The following WDR53 variants were observed in gnomAD, a reference collection of about 807,000 sequenced individuals.
The protein encoded by WDR53 is WD repeat domain 53.
WDR53 carries 19 observed loss-of-function variants against 21.3 expected under a neutral mutation model. That is an observed-to-expected ratio of 0.89 (90% CI 0.62 to 1.31). The LOEUF is 1.31. Ranked by LOEUF, WDR53 falls within the 50% of genes most tolerant of loss-of-function variation. The pLI is 0.00. For missense variants in WDR53, 374 were observed against 423.2 expected, an observed-to-expected ratio of 0.88 and a Z score of 1.02; for synonymous variants, 157 against 163.4, an observed-to-expected ratio of 0.96 and a Z score of 0.30.
intron 2 of WDR53, among the ~76,000 whole-genome samples, chr3:196,561,723 C>T (rs1268848167): frequency 6.6e-6 from 1 of 152,066 alleles, no homozygotes; most frequent in Non-Finnish European, 1.5e-5. Flanking sequence ...CCTTTGCCAT[C>T]AGGGATCTAG....
chr3:196,554,784 T>A lies in WDR53; in HGVS notation c.504A>T (p.Lys168Asn), dbSNP rs751489574. ...AATTTGTAATCCAGAGTGGTCGGGC[T>A]TTTTGAAGACTCCACAGCATCACCT... ...DMQVMLWSLQ[K>N]ARPLWITNLQ... The change falls in exon 4 of 4, where the codon AAA (lysine) becomes AAT (asparagine). Residue 168 changes from lysine (K) to asparagine (N), a missense_variant. Coordinates refer to ENST00000332629, the MANE Select transcript of WDR53 (RefSeq NM_182627.3). 1.9e-6 allele frequency: 3 copies of A among 1,613,968 alleles called. No homozygotes were observed. Among genetic ancestry groups the A allele is most frequent in the Admixed American group, 1.7e-5 (1 of 59,984 alleles).
chr3:196,561,010 C>A lies in WDR53; in HGVS notation c.466G>T (p.Gly156Ter). 1.2e-6 allele frequency: 2 copies of A among 1,613,500 alleles called. No homozygotes were observed. Among genetic ancestry groups the A allele is most frequent in the South Asian group, 1.1e-5 (1 of 90,978 alleles). Reference protein sequence around the residue: ...PQRPQSLVSCGLDMQVMLWSL... With the variant: ...PQRPQSLVSC ...AAAAGCATCACCTGCATATCCAGTC[C>A]ACATGACACCAGGCTCTGAGGCCTC... is the stretch of plus-strand genomic sequence containing the variant. The change falls in exon 3 of 4, where the codon GGA (glycine) becomes TGA (stop). Residue 156 changes from glycine (G) to a stop codon, truncating the protein, a stop_gained. Transcript: ENST00000332629. LOFTEE classifies it high-confidence loss of function.
At chr3:196,555,285 AGCTCAGTCCTGGT>A (rs1453726875) in intron 3 of WDR53, among the ~76,000 whole-genome samples, 1 of 152,180 alleles carries the variant, frequency 6.6e-6, no homozygotes. Flanking sequence ...AAGGGGCTTA[AGCTCAGTCCTGGT>A]GCCTCCAAGA....
At chr3:196,561,537 A>T in intron 2 of WDR53, 46 bp from the exon 3 acceptor site, 1 of 1,520,558 alleles carries the variant, frequency 6.6e-7, no homozygotes, top group Non-Finnish European at 8.8e-7. Flanking sequence ...TTATACATCG[A>T]CTTGATGGGA....
At chr3:196,566,571 G>A (rs1376396037) in intron 2 of WDR53, among the ~76,000 whole-genome samples, 2 of 151,918 alleles carry the variant, frequency 1.3e-5, no homozygotes, top group African/African-American at 2.4e-5. Context: ...GCACCACCAC[G>A]CCCGGTTAAT....
At chr3:196,565,926 C>T (rs1485927768) in intron 2 of WDR53, among the ~76,000 whole-genome samples, 1 of 152,246 alleles carries the variant, frequency 6.6e-6, no homozygotes, top group Non-Finnish European at 1.5e-5. Context: ...TCCCCACATT[C>T]ACGTATCAAG....
Position 196,561,442 on chromosome 3 carries a change from GAGA to G in WDR53, c.31_33del (p.Ser11del), listed in dbSNP as rs1243419270. On this transcript the variant is annotated inframe_deletion, in exon 3 of 4. Coordinates refer to ENST00000332629, the MANE Select transcript of WDR53 (RefSeq NM_182627.3). ...TTACTTGCATTCAGGCAGAGGACAG[GAGA>G]AGAATGCCCACCCGTCCACTTGACT... The G allele has an allele frequency of 1.2e-6, 2 of 1,613,788 alleles. No individual in the cohort carries two copies. Among genetic ancestry groups the G allele is most frequent in the Non-Finnish European group, 1.7e-6 (2 of 1,179,990 alleles).
chr3:196,561,329 T>C lies in WDR53; in HGVS notation c.147A>G (p.Gln49=). ...AGACACTGGTAACATCATCAGCCCCTTGGAACCGCGTGTGTCCTAATGGAG... is the reference window on the plus strand; with the variant it reads ...AGACACTGGTAACATCATCAGCCCCCTGGAACCGCGTGTGTCCTAATGGAG... ...DGTPLGHTRF[Q]GADDVTSVLF... Residue 49 remains glutamine, a synonymous_variant, in exon 3 of 4, where the codon CAA becomes CAG. Transcript: ENST00000332629. 3 of 1,614,162 alleles carry C rather than the reference T, an allele frequency of 1.9e-6. No homozygotes were observed. Among genetic ancestry groups the C allele is most frequent in the Non-Finnish European group, 2.5e-6 (3 of 1,180,032 alleles).
chr3:196,554,908 G>A (rs1480957306), intron 3 of WDR53, 101 bp from the exon 4 acceptor site: 7 of 958,296 alleles, frequency 7.3e-6, no homozygotes, highest in Non-Finnish European at 1.1e-5. Context: ...AGTAGTCTGA[G>A]AATGAGCAGT....
At position 196,554,753 on chromosome 3, in the gene WDR53, C is replaced by G; in HGVS notation, c.535G>C (p.Glu179Gln). ...CCTTCCATTTCTTCTGTTTCATCCT[C>G]CTGTAAATTTGTAATCCAGAGTGGT... ...ARPLWITNLQ[E>Q]DETEEMEGPQ... The change falls in exon 4 of 4, where the codon GAG (glutamate) becomes CAG (glutamine). Residue 179 changes from glutamate (E) to glutamine (Q), a missense_variant. Coordinates refer to ENST00000332629, the MANE Select transcript of WDR53 (RefSeq NM_182627.3). 1 of 1,614,126 alleles carries G rather than the reference C, an allele frequency of 6.2e-7. No homozygotes were observed. The highest frequency in any genetic ancestry group is 8.5e-7 in the Non-Finnish European group (1 of 1,180,022).
chr3:196,556,656 T>TA (rs60957596), intron 3 of WDR53, among the ~76,000 whole-genome samples: 116,651 of 139,652 alleles, frequency 0.84, 48,701 homozygotes, highest in East Asian at 0.97. Context: ...ACTCCGTCTT[T>TA]AAAAAAAAAA....
chr3:196,556,676 T>TACAC (rs59266188), intron 3 of WDR53, among the ~76,000 whole-genome samples: 1,770 of 139,236 alleles, frequency 0.013, 37 homozygotes, highest in African/African-American at 0.04. Flanking sequence ...AAAAAGAAAA[T>TACAC]ACACACACAC....
intron 1 of WDR53, among the ~76,000 whole-genome samples, chr3:196,567,567 T>A (rs1735529423): frequency 6.6e-6 from 1 of 152,148 alleles, no homozygotes. Flanking sequence ...ACTCAGCTCA[T>A]GGAGTTGTTT....
At chr3:196,559,275 G>C (rs9813420) in intron 3 of WDR53, among the ~76,000 whole-genome samples, 56,086 of 152,068 alleles carry the variant, frequency 0.37, 11,116 homozygotes, top group Middle Eastern at 0.49. Flanking sequence ...GAATGTAGGA[G>C]ATTTATAAAG....
intron 2 of WDR53, among the ~76,000 whole-genome samples, chr3:196,562,333 C>A (rs1734956304): frequency 6.6e-6 from 1 of 152,224 alleles, no homozygotes; most frequent in African/African-American, 2.4e-5. Context: ...ATGATCTCGG[C>A]TCACTGCAAC....
chr3:196,562,659 G>T (rs559972362), intron 2 of WDR53, among the ~76,000 whole-genome samples: 3 of 152,286 alleles, frequency 2.0e-5, no homozygotes, highest in African/African-American at 7.2e-5. Flanking sequence ...TGGTGAAAAT[G>T]GCAGGCCCTT....
intron 2 of WDR53, among the ~76,000 whole-genome samples, chr3:196,565,556 G>A (rs1286969949): frequency 6.7e-6 from 1 of 148,246 alleles, no homozygotes; most frequent in African/African-American, 2.5e-5. Context: ...TGAGAGTCGG[G>A]GTGAGGGGGC....
chr3:196,557,251 GA>G (rs1293385339), intron 3 of WDR53, among the ~76,000 whole-genome samples: 1 of 152,172 alleles, frequency 6.6e-6, no homozygotes, highest in Admixed American at 6.5e-5. Flanking sequence ...TCAAGATAAA[GA>G]GCCTCTTCAG....
intron 2 of WDR53, among the ~76,000 whole-genome samples, chr3:196,563,317 T>C (rs191534812): frequency 6.6e-6 from 1 of 152,324 alleles, no homozygotes; most frequent in East Asian, 1.9e-4. Flanking sequence ...CGTGCCCGCC[T>C]GCTGGTCAAG....
Sources: allele counts gnomAD v4.1 joint callset (sites outside exome capture counted in the v4.1 genomes callset), GRCh38; gene constraint gnomAD v4.1.1; transcripts MANE v1.5; gene names NCBI Gene and HGNC (gene_info 2026-07-23, HGNC 2026-07-21).